PAX5: variants seen among roughly 807,000 people sequenced by gnomAD.
The protein encoded by PAX5 is paired box protein Pax-5.
A neutral mutation model predicts 43.7 loss-of-function variants in PAX5; 9 were observed. That is an observed-to-expected ratio of 0.21 (90% CI 0.12 to 0.36). The LOEUF is 0.36. Among genes scored for constraint, PAX5 ranks in the 10% least tolerant of loss-of-function variants. The pLI, the probability that PAX5 is intolerant of heterozygous loss-of-function variation, is 1.00. For synonymous variants in PAX5, 228 were observed against 214.3 expected, an observed-to-expected ratio of 1.06 and a Z score of -0.56; for missense variants, 383 against 532.7, an observed-to-expected ratio of 0.72 and a Z score of 2.77.
In PAX5 at chr9:37,003,154, T is replaced by TA. The variant is rs67081521; in HGVS notation, c.476-379dup. ...CCGGGGCCCACCAACAGTCAGTGCT[T>TA]AAAAAAAAAAAAAAAAAAAAAAAAA... On this transcript the variant is annotated intron_variant, in intron 4 of 9. Coordinates refer to ENST00000358127, the MANE Select transcript of PAX5 (RefSeq NM_016734.3). 5.4e-3 allele frequency among the ~76,000 whole-genome samples: 412 copies of TA among 75,818 alleles called. 9 individuals carry two copies. The highest frequency in any genetic ancestry group is 0.02 in the African/African-American group (377 of 18,698). The allele number at this position is 75,818 out of a possible 152,430, so 49.7% of individuals were successfully genotyped here.
chr9:36,907,276 T>C (rs1828906140), intron 7 of PAX5, among the ~76,000 whole-genome samples: 1 of 152,208 alleles, frequency 6.6e-6, no homozygotes, highest in Non-Finnish European at 1.5e-5. Flanking sequence ...ATTGTTATTA[T>C]CTCCTGAGGC....
chr9:36,889,140 C>T (rs924963397), intron 7 of PAX5, among the ~76,000 whole-genome samples: 1 of 151,870 alleles, frequency 6.6e-6, no homozygotes, highest in African/African-American at 2.4e-5. Flanking sequence ...GAACCTGGGC[C>T]CCCTTGGTGA....
At chr9:37,023,636 G>A (rs1183889864) in intron 1 of PAX5, among the ~76,000 whole-genome samples, 1 of 151,416 alleles carries the variant, frequency 6.6e-6, no homozygotes, top group Non-Finnish European at 1.5e-5. Flanking sequence ...ATGCTCCTCA[G>A]GCCCTGATAA....
At chr9:36,965,072 C>T (rs1237207379) in intron 6 of PAX5, among the ~76,000 whole-genome samples, 1 of 152,088 alleles carries the variant, frequency 6.6e-6, no homozygotes, top group Non-Finnish European at 1.5e-5. Flanking sequence ...CACCCCTTCT[C>T]CTTGCTCCAC....
At chr9:36,896,054 A>AC (rs1327900044) in intron 7 of PAX5, among the ~76,000 whole-genome samples, 1 of 152,082 alleles carries the variant, frequency 6.6e-6, no homozygotes, top group African/African-American at 2.4e-5. Context: ...CTGATGCCCA[A>AC]CCCCAGGCCA....
intron 7 of PAX5, among the ~76,000 whole-genome samples, chr9:36,919,528 C>G (rs745823897): frequency 2.6e-5 from 4 of 152,114 alleles, no homozygotes; most frequent in Non-Finnish European, 5.9e-5. Context: ...AAAGAATTCA[C>G]TATTAAAGAT....
At chr9:36,974,724 C>T (rs879515781) in intron 5 of PAX5, among the ~76,000 whole-genome samples, 5 of 152,174 alleles carry the variant, frequency 3.3e-5, no homozygotes, top group East Asian at 1.9e-4. Flanking sequence ...CACTTTAACA[C>T]GGCACCTGGC....
chr9:37,011,415 A>G (rs992635695), intron 3 of PAX5, among the ~76,000 whole-genome samples: 2 of 152,208 alleles, frequency 1.3e-5, no homozygotes, highest in Non-Finnish European at 2.9e-5. Flanking sequence ...ACCAGTTGGT[A>G]CTAAATAGAG....
At chr9:37,026,971 G>A (rs770505471) in intron 1 of PAX5, among the ~76,000 whole-genome samples, 1 of 152,200 alleles carries the variant, frequency 6.6e-6, no homozygotes, top group Non-Finnish European at 1.5e-5. Flanking sequence ...TGAGGAGGCC[G>A]CCGGAACAAT....
Position 36,923,574 on chromosome 9 carries a change from C to T in PAX5, c.781-90G>A, listed in dbSNP as rs1563971598. The T allele has an allele frequency of 5.4e-6, 8 of 1,478,316 alleles. No homozygotes were observed. In the East Asian group the frequency reaches 1.1e-4, roughly 21 times the overall value. The allele number at this position is 1,478,316 out of a possible 1,614,324, so 91.6% of individuals were successfully genotyped here. A position where few individuals can be genotyped will look rare whatever the true frequency, so the allele number is the denominator to read the frequency against. On this transcript the variant is annotated intron_variant, in intron 6 of 9. Coordinates refer to ENST00000358127, the MANE Select transcript of PAX5 (RefSeq NM_016734.3). Reference sequence around the variant, plus strand: ...CCACGTTCTGAGCTCAGCCACCAAGCTGAGTTAGTCCATGCCTGTGCCAAG... The same window carrying T: ...CCACGTTCTGAGCTCAGCCACCAAGTTGAGTTAGTCCATGCCTGTGCCAAG...
rs1821526381 is a variant in PAX5 at position 36,834,792 on chromosome 9, CATG to C, written c.*5765_*5767del. ...AGAAGATGAGGGACGTGGCCACAGG[CATG>C]GTGATTTTGGGGACAAGGGCGACCA... On this transcript the variant is annotated 3_prime_UTR_variant, in exon 10 of 10. Coordinates refer to ENST00000358127, the MANE Select transcript of PAX5 (RefSeq NM_016734.3). 1 of 229,190 alleles carries C rather than the reference CATG, an allele frequency of 4.4e-6. No homozygotes were observed. The highest frequency in any genetic ancestry group is 6.1e-5 in the East Asian group (1 of 16,398). The allele number at this position is 229,190 out of a possible 1,614,324, so 14.2% of individuals were successfully genotyped here. A position where few individuals can be genotyped will look rare whatever the true frequency, so the allele number is the denominator to read the frequency against.
chr9:36,906,248 G>A (rs1828814628), intron 7 of PAX5, among the ~76,000 whole-genome samples: 1 of 152,212 alleles, frequency 6.6e-6, no homozygotes, highest in African/African-American at 2.4e-5. Context: ...TGATTAAATT[G>A]AGGTATTTGC....
chr9:36,888,450 C>G (rs1201492210), intron 7 of PAX5, among the ~76,000 whole-genome samples: 1 of 152,058 alleles, frequency 6.6e-6, no homozygotes, highest in Non-Finnish European at 1.5e-5. Context: ...AGTGAAATAC[C>G]AATACATACT....
Position 37,034,101 on chromosome 9 carries a change from T to TTC in PAX5, c.-71_-70insGA. On this transcript the variant is annotated 5_prime_UTR_variant, in exon 1 of 10. Transcript: ENST00000358127. ...ACTTTTTTGTGCCTTTTTTTTTCTT[T>TTC]TTTTTTTTTTTTTTTTTTTTTTTTT... 1.4e-5 allele frequency: 4 copies of TTC among 295,654 alleles called. No homozygotes were observed. The highest frequency in any genetic ancestry group is 4.8e-5 in the South Asian group (1 of 20,988). The allele number at this position is 295,654 out of a possible 1,614,324, so 18.3% of individuals were successfully genotyped here.
intron 9 of PAX5, among the ~76,000 whole-genome samples, chr9:36,844,529 T>C (rs140567775): frequency 6.6e-6 from 1 of 152,204 alleles, no homozygotes; most frequent in Non-Finnish European, 1.5e-5. Flanking sequence ...CTCATGTAGA[T>C]GAATGGAGCT....
chr9:36,867,950 C>T (rs1201990478), intron 8 of PAX5, among the ~76,000 whole-genome samples: 4 of 152,212 alleles, frequency 2.6e-5, no homozygotes, highest in Non-Finnish European at 2.9e-5. Flanking sequence ...GCCTCCCAGC[C>T]TGGTTGGGCT....
In PAX5 at chr9:36,923,006, C is replaced by G. The variant is rs367600420; in HGVS notation, c.910+349G>C. On this transcript the variant is annotated intron_variant, in intron 7 of 9. Coordinates refer to ENST00000358127, the MANE Select transcript of PAX5 (RefSeq NM_016734.3). ...CATTCCTCCTTGAGGTTGGTGCCCA[C>G]CAGGGTGGCCTTTCTCATGAAAGAA... is the stretch of plus-strand genomic sequence containing the variant. 7.4e-5 allele frequency: 17 copies of G among 230,526 alleles called. No homozygotes were observed. The East Asian group carries it at 1.2e-3, about 16-fold the overall frequency. 14.3% of individuals were successfully genotyped at this position (230,526 alleles called of 1,614,324 possible).
intron 8 of PAX5, among the ~76,000 whole-genome samples, chr9:36,876,931 T>C (rs1019652173): frequency 2.6e-5 from 4 of 152,190 alleles, no homozygotes; most frequent in African/African-American, 9.7e-5. Context: ...AGGAAAAACA[T>C]GACATCCACT....
chr9:37,031,588 C>T (rs1564098857), intron 1 of PAX5, among the ~76,000 whole-genome samples: 1 of 152,138 alleles, frequency 6.6e-6, no homozygotes, highest in Non-Finnish European at 1.5e-5. Flanking sequence ...TCTCTTCTCC[C>T]AGCAGGAACA....
Sources: allele counts gnomAD v4.1 joint callset (sites outside exome capture counted in the v4.1 genomes callset), GRCh38; gene constraint gnomAD v4.1.1; transcripts MANE v1.5; gene names NCBI Gene and HGNC (gene_info 2026-07-23, HGNC 2026-07-21).